The following KRAS variants were observed in gnomAD, a reference collection of about 807,000 sequenced individuals.
KRAS encodes KRas proto-oncogene, GTPase.
In KRAS, 1 loss-of-function variant was observed where a neutral mutation model predicts 21.0. The observed-to-expected ratio is 0.05, with a 90% CI of 0.02 to 0.23. KRAS has a LOEUF of 0.23. KRAS is among the 10% of genes least tolerant of loss of function. KRAS has a pLI of 1.00. For synonymous variants in KRAS, 67 were observed against 72.5 expected (o/e 0.92, Z 0.39); for missense variants, 107 against 221.8 (o/e 0.48, Z 3.29).
At position 25,242,849 on chromosome 12, in the gene KRAS, C is replaced by T. The variant is rs145313836; in HGVS notation, c.111+2425G>A. Among the ~76,000 whole-genome samples, 642 of 152,288 alleles carry T rather than the reference C, an allele frequency of 4.2e-3. 7 individuals carry two copies. The highest frequency in any genetic ancestry group is 0.014 in the African/African-American group (599 of 41,560). ...GAGAATTTAAATTGAAATCCTACCA[C>T]TTATTAGCTACGTATCCTTAGATGA... On this transcript the variant is annotated intron_variant, in intron 2 of 4. Transcript: ENST00000311936.
At chr12:25,249,153 G>A (rs1383976205) in intron 1 of KRAS, among the ~76,000 whole-genome samples, 1 of 152,102 alleles carries the variant, frequency 6.6e-6, no homozygotes, top group East Asian at 1.9e-4. Context: ...ACATGCCACT[G>A]TGGGAGGCCG....
chr12:25,209,199 A>AATATAAT lies in KRAS; in HGVS notation c.*589_*595dup. The AATATAAT allele has an allele frequency of 1.5e-6, 1 of 668,288 alleles. No homozygotes were observed. Among genetic ancestry groups the AATATAAT allele is most frequent in the Non-Finnish European group, 2.7e-6 (1 of 370,764 alleles). 41.4% of individuals were successfully genotyped at this position (668,288 alleles called of 1,614,324 possible). ...TCCATTTTTTTCTTTTTATAGAAAA[A>AATATAAT]ATATAATATTTTGGGGAGAGTGACC... On this transcript the variant is annotated 3_prime_UTR_variant, in exon 5 of 5. Transcript: ENST00000311936.
rs1273524723 is a variant in KRAS, at chr12:25,208,303, T to G, written c.*1492A>C. Reference sequence around the variant, plus strand: ...CACCTTCTTCCTAGTCCAGTGATACTTTCACCTCACCATGCCATCTCACTT... The same window carrying G: ...CACCTTCTTCCTAGTCCAGTGATACGTTCACCTCACCATGCCATCTCACTT... On this transcript the variant is annotated 3_prime_UTR_variant, in exon 5 of 5. Coordinates refer to ENST00000311936, the MANE Select transcript of KRAS (RefSeq NM_004985.5). 1 of 233,216 alleles carries G rather than the reference T, an allele frequency of 4.3e-6. No homozygotes were observed. The highest frequency in any genetic ancestry group is 8.5e-6 in the Non-Finnish European group (1 of 117,864). The allele number at this position is 233,216 out of a possible 1,614,324, so 14.4% of individuals were successfully genotyped here.
intron 4 of KRAS, chr12:25,225,344 G>A (rs1951379201): frequency 2.5e-5 from 5 of 199,494 alleles, no homozygotes; most frequent in Non-Finnish European, 3.0e-5. Flanking sequence ...ATGTAACCAT[G>A]GGAAAAAAAA....
intron 2 of KRAS, among the ~76,000 whole-genome samples, chr12:25,232,855 A>T (rs889955626): frequency 6.6e-6 from 1 of 152,242 alleles, no homozygotes; most frequent in Non-Finnish European, 1.5e-5. Flanking sequence ...CTGGTGACAT[A>T]ATAAGCACAA....
chr12:25,241,239 AAATC>A (rs1318345152), intron 2 of KRAS, among the ~76,000 whole-genome samples: 3 of 152,254 alleles, frequency 2.0e-5, no homozygotes, highest in African/African-American at 7.2e-5. Context: ...AAATGATACG[AAATC>A]AATCATATAA....
chr12:25,219,876 GAGGTTGTTTTGCAA>G (rs764883608), intron 4 of KRAS, among the ~76,000 whole-genome samples: 62 of 152,136 alleles, frequency 4.1e-4, no homozygotes, highest in Non-Finnish European at 5.4e-4. Context: ...AGCACATAAG[GAGGTTGTTTTGCAA>G]AGCATTCTTT....
chr12:25,228,167 TTTTC>T (rs1292294460), intron 2 of KRAS, among the ~76,000 whole-genome samples: 1 of 150,322 alleles, frequency 6.7e-6, no homozygotes, highest in Non-Finnish European at 1.5e-5. Context: ...TTGGATTTTT[TTTTC>T]TTTCATCTTT....
intron 2 of KRAS, chr12:25,233,896 T>C (rs552819880): frequency 1.2e-3 from 231 of 192,256 alleles, no homozygotes; most frequent in Non-Finnish European, 2.1e-3. Context: ...AAATACAATT[T>C]AACAGATTTT....
At chr12:25,233,597 C>A (rs930177116) in intron 2 of KRAS, among the ~76,000 whole-genome samples, 36 of 152,194 alleles carry the variant, frequency 2.4e-4, no homozygotes, top group Non-Finnish European at 7.4e-5. Context: ...GCAAAGCACT[C>A]TTCCTTCTCT....
intron 1 of KRAS, 135 bp downstream of exon 1, chr12:25,250,616 C>T (rs1951755290): frequency 5.9e-6 from 1 of 169,978 alleles, no homozygotes; most frequent in Admixed American, 6.4e-5. Context: ...CCAGCCCGCC[C>T]CGACCCCGCG....
rs1295110539 is a variant in KRAS at position 25,209,635 on chromosome 12, C to A, written c.*160G>T. 2.2e-6 allele frequency: 3 copies of A among 1,360,454 alleles called. No homozygotes were observed. The highest frequency in any genetic ancestry group is 1.9e-6 in the Non-Finnish European group (2 of 1,056,418). The allele number at this position is 1,360,454 out of a possible 1,614,324, so 84.3% of individuals were successfully genotyped here. A position where few individuals can be genotyped will look rare whatever the true frequency, so the allele number is the denominator to read the frequency against. ...TGGCACTTAGAGGAAAAAAAAACTT[C>A]CACTGTCATTTTAAAATAAGCATTT... On this transcript the variant is annotated 3_prime_UTR_variant, in exon 5 of 5. Coordinates refer to ENST00000311936, the MANE Select transcript of KRAS (RefSeq NM_004985.5).
chr12:25,233,768 T>C, intron 2 of KRAS: 1 of 209,482 alleles, frequency 4.8e-6, no homozygotes, highest in Non-Finnish European at 9.7e-6. Flanking sequence ...CCTAACAGTC[T>C]TGAACGCTAT....
chr12:25,249,314 T>C (rs1479461716), intron 1 of KRAS, among the ~76,000 whole-genome samples: 1 of 152,062 alleles, frequency 6.6e-6, no homozygotes, highest in Non-Finnish European at 1.5e-5. Context: ...GGAGAATTGC[T>C]TGAATGCAGG....
At chr12:25,237,795 T>C (rs1364956344) in intron 2 of KRAS, among the ~76,000 whole-genome samples, 3 of 152,220 alleles carry the variant, frequency 2.0e-5, no homozygotes, top group Middle Eastern at 3.2e-3. Flanking sequence ...GTTAACTGCA[T>C]TATTTTATAT....
intron 2 of KRAS, among the ~76,000 whole-genome samples, chr12:25,231,092 CTTTTTTTTTTTTTTTTTT>C (rs34361223): frequency 1.5e-5 from 1 of 66,366 alleles, no homozygotes; most frequent in Non-Finnish European, 2.8e-5. Context: ...ACCTCACATT[CTTTTTTTTTTTTTTTTTT>C]TTTTTTTTTG....
intron 2 of KRAS, 41 bp from the exon 3 acceptor site, chr12:25,227,453 CT>C (rs1404938438): frequency 1.9e-6 from 3 of 1,587,852 alleles, no homozygotes; most frequent in African/African-American, 1.3e-5. Flanking sequence ...TACAGTGCAC[CT>C]TTTACTTCAA....
chr12:25,234,620 T>C (rs1239085953), intron 2 of KRAS: 1 of 188,436 alleles, frequency 5.3e-6, no homozygotes, highest in Non-Finnish European at 1.1e-5. Context: ...TTTAATCTTC[T>C]TTTACACTGA....
At chr12:25,210,817 C>T (rs1332655889) in intron 4 of KRAS, 2 of 152,068 alleles carry the variant, frequency 1.3e-5, no homozygotes, top group Non-Finnish European at 2.9e-5. Context: ...TGGCTAAAAG[C>T]GATTTTAAGC....
Sources: allele counts gnomAD v4.1 joint callset (sites outside exome capture counted in the v4.1 genomes callset), GRCh38; gene constraint gnomAD v4.1.1; transcripts MANE v1.5; gene names NCBI Gene and HGNC (gene_info 2026-07-23, HGNC 2026-07-21).